Variants in DLC1 observed in about 807,000 individuals in gnomAD.
The protein encoded by DLC1 is DLC1 Rho GTPase activating protein.
In DLC1, 54 loss-of-function variants were observed where a neutral mutation model predicts 140.3. The observed-to-expected ratio is 0.38, with a 90% CI of 0.31 to 0.48. The LOEUF (loss-of-function observed/expected upper bound fraction) is 0.48, where lower values mean the gene tolerates loss of function less well. Among genes scored for constraint, DLC1 ranks in the 20% least tolerant of loss-of-function variants. The pLI, the probability that DLC1 is intolerant of heterozygous loss-of-function variation, is 0.96. For missense variants in DLC1, 2,536 were observed against 1,907.0 expected, an observed-to-expected ratio of 1.33 and a Z score of -6.14; for synonymous variants, 986 against 728.1, an observed-to-expected ratio of 1.35 and a Z score of -5.70.
intron 5 of DLC1, among the ~76,000 whole-genome samples, chr8:13,218,952 A>T (rs1828368242): frequency 9.6e-6 from 1 of 104,094 alleles, no homozygotes; most frequent in Non-Finnish European, 1.8e-5. Context: ...TTATATAATT[A>T]TATACGTATA....
chr8:13,314,866 C>T (rs17090855), intron 4 of DLC1, among the ~76,000 whole-genome samples: 11,183 of 152,256 alleles, frequency 0.073, 495 homozygotes, highest in South Asian at 0.13. Context: ...CCCAGAAACA[C>T]TTTTATTACA....
intron 8 of DLC1, 50 bp from the exon 9 acceptor site, chr8:13,100,820 G>A: frequency 6.6e-7 from 1 of 1,516,374 alleles, no homozygotes; most frequent in South Asian, 1.3e-5. Flanking sequence ...GCAGCCAGCA[G>A]GGAGCAGGGC....
At chr8:13,273,064 A>G (rs1831009041) in intron 5 of DLC1, among the ~76,000 whole-genome samples, 1 of 152,168 alleles carries the variant, frequency 6.6e-6, no homozygotes, top group Non-Finnish European at 1.5e-5. Flanking sequence ...TATTTTATTT[A>G]TGCATTTAAA....
At chr8:13,525,142 C>G (rs1272194438) in intron 1 of DLC1, among the ~76,000 whole-genome samples, 2 of 152,278 alleles carry the variant, frequency 1.3e-5, no homozygotes, top group African/African-American at 4.8e-5. Flanking sequence ...ATTTTGAGAT[C>G]CATCCATGTT....
intron 15 of DLC1, 65 bp downstream of exon 15, chr8:13,090,187 T>G (rs755252928): frequency 6.7e-7 from 1 of 1,488,952 alleles, no homozygotes; most frequent in African/African-American, 1.4e-5. Flanking sequence ...AAAAGCGTGT[T>G]ATCTCTGATG....
rs186929084 is a variant in DLC1 at position 13,418,759 on chromosome 8, T to C, written c.1024-17140A>G. Among the ~76,000 whole-genome samples, 385 of 152,252 alleles carry C rather than the reference T, an allele frequency of 2.5e-3. 3 individuals are homozygous for C. The highest frequency in any genetic ancestry group is 8.8e-3 in the African/African-American group (365 of 41,548). The stretch of plus-strand genomic sequence containing the variant: ...TTTCCAATTTTGTGAAGAAAGTCAT[T>C]GGTAGCTTGATGGGGATGGCATGGA... On this transcript the variant is annotated intron_variant, in intron 2 of 17. Coordinates refer to ENST00000276297, the MANE Select transcript of DLC1 (RefSeq NM_182643.3).
chr8:13,194,583 C>T (rs116206802), intron 5 of DLC1, among the ~76,000 whole-genome samples: 144 of 152,306 alleles, frequency 9.5e-4, no homozygotes, highest in African/African-American at 3.1e-3. Context: ...AAGCCACGGG[C>T]AGAGGCCAGC....
At chr8:13,548,504 A>C (rs1803730696) in intron 1 of DLC1, among the ~76,000 whole-genome samples, 2 of 152,062 alleles carry the variant, frequency 1.3e-5, no homozygotes, top group African/African-American at 4.8e-5. Flanking sequence ...AATAATTTTT[A>C]AATAAATGAA....
chr8:13,248,577 CAA>C (rs1829864735), intron 5 of DLC1, among the ~76,000 whole-genome samples: 1 of 152,170 alleles, frequency 6.6e-6, no homozygotes, highest in Admixed American at 6.5e-5. Flanking sequence ...CCGTGGGAGG[CAA>C]AGTCTCTGCG....
intron 1 of DLC1, among the ~76,000 whole-genome samples, chr8:13,529,569 A>G (rs1263043999): frequency 6.6e-6 from 1 of 152,198 alleles, no homozygotes; most frequent in Non-Finnish European, 1.5e-5. Context: ...AATATTGTAA[A>G]GGAGAATACT....
chr8:13,463,368 G>C (rs984857479), intron 2 of DLC1, among the ~76,000 whole-genome samples: 1 of 152,126 alleles, frequency 6.6e-6, no homozygotes, highest in Non-Finnish European at 1.5e-5. Flanking sequence ...ATCATTGAAA[G>C]AGAATATTTT....
At chr8:13,237,711 G>T (rs980974203) in intron 5 of DLC1, among the ~76,000 whole-genome samples, 2 of 152,074 alleles carry the variant, frequency 1.3e-5, no homozygotes, top group African/African-American at 4.8e-5. Flanking sequence ...ATGCACATAT[G>T]CTATTCCGGG....
intron 2 of DLC1, among the ~76,000 whole-genome samples, chr8:13,455,790 C>A (rs1015215339): frequency 6.6e-6 from 1 of 152,142 alleles, no homozygotes; most frequent in East Asian, 1.9e-4. Flanking sequence ...GCTGGAGGAG[C>A]ACTTGAACCC....
At chr8:13,282,231 C>A (rs1257540869) in intron 5 of DLC1, among the ~76,000 whole-genome samples, 1 of 152,214 alleles carries the variant, frequency 6.6e-6, no homozygotes, top group Non-Finnish European at 1.5e-5. Flanking sequence ...CTTTGAACAT[C>A]TCTCTCTGGA....
intron 4 of DLC1, among the ~76,000 whole-genome samples, chr8:13,345,415 T>C (rs1834282801): frequency 6.6e-6 from 1 of 151,824 alleles, no homozygotes; most frequent in African/African-American, 2.4e-5. Flanking sequence ...AAAGGTTACC[T>C]GGGAGTGGCA....
At chr8:13,335,282 G>A (rs1389866535) in intron 4 of DLC1, among the ~76,000 whole-genome samples, 2 of 152,018 alleles carry the variant, frequency 1.3e-5, no homozygotes, top group East Asian at 1.9e-4. Flanking sequence ...AAGGAAATCA[G>A]GCAAATGGGT....
At chr8:13,110,347 G>C (rs914892154) in intron 7 of DLC1, among the ~76,000 whole-genome samples, 3 of 152,120 alleles carry the variant, frequency 2.0e-5, no homozygotes, top group Non-Finnish European at 4.4e-5. Flanking sequence ...GAGGTTGAGA[G>C]GAGCGTTCTT....
At chr8:13,553,554 G>A (rs1434016467) in intron 1 of DLC1, among the ~76,000 whole-genome samples, 1 of 151,748 alleles carries the variant, frequency 6.6e-6, no homozygotes, top group Non-Finnish European at 1.5e-5. Context: ...GTCTCACTAT[G>A]TTGCTCAAGC....
chr8:13,420,050 G>A (rs1367911689), intron 2 of DLC1, among the ~76,000 whole-genome samples: 8 of 151,940 alleles, frequency 5.3e-5, no homozygotes, highest in African/African-American at 1.9e-4. Flanking sequence ...CTGTGGGATC[G>A]GTGGTGATAT....
Sources: gnomAD v4.1 joint callset for allele counts (sites outside exome capture counted in the v4.1 genomes callset) on GRCh38, gnomAD v4.1.1 for gene constraint, MANE v1.5 for transcripts, NCBI Gene and HGNC (gene_info 2026-07-23, HGNC 2026-07-21) for gene names.